CAMK1D: variants seen among roughly 807,000 people sequenced by gnomAD.
The protein encoded by CAMK1D is calcium/calmodulin-dependent protein kinase type 1D.
In CAMK1D, 9 loss-of-function variants were observed where a neutral mutation model predicts 47.7. That is an observed-to-expected ratio of 0.19 (90% CI 0.11 to 0.33). The LOEUF (loss-of-function observed/expected upper bound fraction) is 0.33. Ranked by LOEUF, CAMK1D falls within the 10% of genes least tolerant of loss-of-function variation. CAMK1D has a pLI of 1.00. For missense variants in CAMK1D, 291 were observed against 488.7 expected, an observed-to-expected ratio of 0.60 and a Z score of 3.81; for synonymous variants, 184 against 184.9, an observed-to-expected ratio of 0.99 and a Z score of 0.04.
chr10:12,633,213 A>G (rs540266281), intron 2 of CAMK1D, among the ~76,000 whole-genome samples: 1 of 152,290 alleles, frequency 6.6e-6, no homozygotes, highest in South Asian at 2.1e-4. Context: ...TTGGGAGAAG[A>G]TGGGGAAATT....
In CAMK1D at chr10:12,788,969, C is replaced by T. The variant is rs553198849; in HGVS notation, c.566-2189C>T. ...GGGCGTTGCAGACTAAAGCCAGTTT[C>T]GGGGATTATCTGTGGAGTGCATCCC... On this transcript the variant is annotated intron_variant, in intron 5 of 10. Coordinates refer to ENST00000619168, the MANE Select transcript of CAMK1D (RefSeq NM_153498.4). Among the ~76,000 whole-genome samples the T allele has an allele frequency of 5.9e-5, 9 of 152,318 alleles. No individual in the cohort carries two copies. In the East Asian group the frequency reaches 7.7e-4, roughly 13 times the overall value.
At chr10:12,352,480 G>A (rs1458269215) in intron 1 of CAMK1D, among the ~76,000 whole-genome samples, 2 of 151,716 alleles carry the variant, frequency 1.3e-5, no homozygotes, top group Non-Finnish European at 2.9e-5. Context: ...GTGGTGGTGT[G>A]TGCCTATAAT....
At chr10:12,461,806 CTCTTA>C (rs1405774252) in intron 1 of CAMK1D, among the ~76,000 whole-genome samples, 4 of 152,098 alleles carry the variant, frequency 2.6e-5, no homozygotes, top group Middle Eastern at 3.4e-3. Context: ...GCCAAGGTAT[CTCTTA>C]GAGTAGATGC....
intron 2 of CAMK1D, among the ~76,000 whole-genome samples, chr10:12,597,432 G>A (rs191577107): frequency 1.3e-3 from 202 of 152,238 alleles, no homozygotes; most frequent in Middle Eastern, 3.4e-3. Context: ...TGGGCTGACC[G>A]TTTCCTCGCT....
intron 2 of CAMK1D, among the ~76,000 whole-genome samples, chr10:12,564,358 C>A (rs1837058314): frequency 6.6e-6 from 1 of 151,628 alleles, no homozygotes; most frequent in Admixed American, 6.6e-5. Flanking sequence ...GTTCTGTCTT[C>A]TATGTGGTTT....
chr10:12,455,896 A>G (rs972306873), intron 1 of CAMK1D, among the ~76,000 whole-genome samples: 4 of 152,244 alleles, frequency 2.6e-5, no homozygotes, highest in Non-Finnish European at 5.9e-5. Flanking sequence ...ATTTAGTCTC[A>G]TATGACTTGT....
intron 1 of CAMK1D, among the ~76,000 whole-genome samples, chr10:12,390,329 C>T (rs1334286430): frequency 1.3e-5 from 2 of 152,152 alleles, no homozygotes; most frequent in East Asian, 3.8e-4. Flanking sequence ...GTCTCAGCTT[C>T]CTAATTGCTG....
intron 1 of CAMK1D, among the ~76,000 whole-genome samples, chr10:12,424,702 G>A (rs936824622): frequency 3.9e-5 from 6 of 152,088 alleles, no homozygotes; most frequent in African/African-American, 1.4e-4. Flanking sequence ...CCAGCACTTC[G>A]GGAGGCTGAG....
intron 1 of CAMK1D, among the ~76,000 whole-genome samples, chr10:12,406,243 C>T (rs1036132384): frequency 1.3e-5 from 2 of 152,148 alleles, no homozygotes; most frequent in Admixed American, 1.3e-4. Flanking sequence ...TTGTTTCTGA[C>T]TTGTTTCCAG....
At chr10:12,755,129 T>G (rs1192199935) in intron 3 of CAMK1D, among the ~76,000 whole-genome samples, 1 of 152,202 alleles carries the variant, frequency 6.6e-6, no homozygotes, top group East Asian at 1.9e-4. Flanking sequence ...AGAATAAAGA[T>G]TTTAAAAAAT....
At chr10:12,538,155 G>C (rs570616997) in intron 1 of CAMK1D, among the ~76,000 whole-genome samples, 1 of 152,234 alleles carries the variant, frequency 6.6e-6, no homozygotes, top group Non-Finnish European at 1.5e-5. Flanking sequence ...AACATACAGG[G>C]AAAATAGACC....
chr10:12,806,294 C>G (rs192693695), intron 6 of CAMK1D, among the ~76,000 whole-genome samples: 1 of 152,192 alleles, frequency 6.6e-6, no homozygotes, highest in Non-Finnish European at 1.5e-5. Context: ...GGACTCAGAC[C>G]GTCTGTTCCA....
At chr10:12,479,917 C>T (rs1228327268) in intron 1 of CAMK1D, among the ~76,000 whole-genome samples, 1 of 152,184 alleles carries the variant, frequency 6.6e-6, no homozygotes, top group Non-Finnish European at 1.5e-5. Flanking sequence ...TCAACGACGT[C>T]CTGGATACAT....
intron 2 of CAMK1D, among the ~76,000 whole-genome samples, chr10:12,593,514 C>A (rs976034413): frequency 3.3e-5 from 5 of 151,940 alleles, no homozygotes; most frequent in Non-Finnish European, 7.4e-5. Flanking sequence ...CACTTGAACC[C>A]GGGAGGCGGA....
intron 3 of CAMK1D, among the ~76,000 whole-genome samples, chr10:12,670,655 C>G (rs1282157552): frequency 1.3e-5 from 2 of 152,010 alleles, no homozygotes; most frequent in African/African-American, 2.4e-5. Flanking sequence ...TCAAGCGATT[C>G]TCCTAGCTCA....
At chr10:12,735,113 C>T (rs1389179126) in intron 3 of CAMK1D, among the ~76,000 whole-genome samples, 1 of 152,186 alleles carries the variant, frequency 6.6e-6, no homozygotes, top group Non-Finnish European at 1.5e-5. Context: ...CATAGGTCTT[C>T]CTCAGTCCCC....
intron 1 of CAMK1D, among the ~76,000 whole-genome samples, chr10:12,548,128 G>A (rs1490568869): frequency 6.6e-6 from 1 of 152,190 alleles, no homozygotes; most frequent in Non-Finnish European, 1.5e-5. Flanking sequence ...TTTACCACTT[G>A]TGTGATGGGA....
At chr10:12,732,128 C>G (rs1834916628) in intron 3 of CAMK1D, among the ~76,000 whole-genome samples, 1 of 152,164 alleles carries the variant, frequency 6.6e-6, no homozygotes, top group Admixed American at 6.5e-5. Context: ...GTAATCCCAA[C>G]TACTCAGGAG....
chr10:12,672,106 G>C (rs904865799), intron 3 of CAMK1D, among the ~76,000 whole-genome samples: 3 of 150,980 alleles, frequency 2.0e-5, no homozygotes, highest in Non-Finnish European at 4.4e-5. Flanking sequence ...TAGTAGAGAT[G>C]GGGTTTCACC....
Sources: gnomAD v4.1 joint callset for allele counts (sites outside exome capture counted in the v4.1 genomes callset) on GRCh38, gnomAD v4.1.1 for gene constraint, MANE v1.5 for transcripts, NCBI Gene and HGNC (gene_info 2026-07-23, HGNC 2026-07-21) for gene names.